The following TOMT variants were observed in gnomAD, a reference collection of about 807,000 sequenced individuals.
The protein encoded by TOMT is transmembrane O-methyltransferase.
TOMT carries 23 observed loss-of-function variants against 21.7 expected under a neutral mutation model. The observed-to-expected ratio is 1.06, with a 90% CI of 0.76 to 1.50. TOMT has a LOEUF of 1.50. Among genes scored for constraint, TOMT ranks in the 40% most tolerant of loss-of-function variants. The pLI is 0.00. For missense variants in TOMT, 331 were observed against 348.7 expected, an observed-to-expected ratio of 0.95 and a Z score of 0.41; for synonymous variants, 132 against 150.8, an observed-to-expected ratio of 0.88 and a Z score of 0.91.
At chr11:72,109,518 C>T, downstream of TOMT, 2 of 396,500 alleles carry the variant, frequency 5.0e-6, no homozygotes, top group South Asian at 4.1e-5. Flanking sequence ...TGAGTGCCCT[C>T]TTCCTAAAGC....
exon 3 of TOMT, chr11:72,108,680 C>T (rs1271566733): frequency 6.5e-7 from 1 of 1,541,200 alleles, no homozygotes; most frequent in Non-Finnish European, 8.8e-7. Flanking sequence ...TCGGGCAGAC[C>T]TGGTGCTCCT....
exon 3 of TOMT, chr11:72,109,098 A>G: frequency 3.3e-6 from 2 of 613,266 alleles, no homozygotes; most frequent in Non-Finnish European, 5.6e-6. Context: ...TCAAGTGTCA[A>G]GTTCTATCAG....
chr11:72,108,077 G>C, exon 2 of TOMT: 1 of 1,539,130 alleles, frequency 6.5e-7, no homozygotes, highest in Non-Finnish European at 8.8e-7. Context: ...CGGCAGCAGT[G>C]GCTGAAAAAC....
chr11:72,107,973 G>A (rs1945866231), exon 2 of TOMT: 1 of 1,551,726 alleles, frequency 6.4e-7, no homozygotes, highest in South Asian at 1.2e-5. Context: ...TTGTGTGCTG[G>A]AATTGGGAAC....
At chr11:72,108,611 C>G in exon 3 of TOMT, 1 of 1,462,816 alleles carries the variant, frequency 6.8e-7, no homozygotes, top group Non-Finnish European at 9.1e-7. Flanking sequence ...ACAGGTGGAG[C>G]TCATCGTGGG....
intron 1 of TOMT, chr11:72,107,384 G>T (rs752369734): frequency 1.1e-4 from 77 of 686,838 alleles, no homozygotes; most frequent in Admixed American, 1.8e-4. Flanking sequence ...TGAAAGATAG[G>T]GTGGTTGTTT....
At chr11:72,106,245 C>A (rs12576752) in intron 1 of TOMT, 35 bp downstream of exon 1, 4 of 1,420,068 alleles carry the variant, frequency 2.8e-6, no homozygotes, top group Non-Finnish European at 3.7e-6. Context: ...CCAAGAAGTA[C>A]CCCCAAGACA....
exon 3 of TOMT, chr11:72,109,305 G>A (rs555713032): frequency 2.3e-4 from 109 of 470,706 alleles, no homozygotes; most frequent in South Asian, 1.2e-3. Flanking sequence ...CCCAGTTCTC[G>A]GCCTCAGAAA....
At chr11:72,109,415 A>G, downstream of TOMT, 1 of 455,722 alleles carries the variant, frequency 2.2e-6, no homozygotes, top group South Asian at 1.6e-5. Flanking sequence ...TGGGCCAGAG[A>G]AAATGGCACA....
exon 3 of TOMT, chr11:72,108,651 G>A (rs1213122608): frequency 5.3e-6 from 8 of 1,512,126 alleles, no homozygotes; most frequent in African/African-American, 2.8e-5. Context: ...CCGTGCCTAC[G>A]CACCCAGTAT....
exon 2 of TOMT, chr11:72,108,088 T>A: frequency 6.5e-7 from 1 of 1,533,304 alleles, no homozygotes; most frequent in Non-Finnish European, 8.8e-7. Flanking sequence ...GCTGAAAAAC[T>A]CATCCGCCTG....
intron 1 of TOMT, chr11:72,107,211 G>A (rs1293760386): frequency 3.7e-6 from 2 of 546,680 alleles, no homozygotes; most frequent in Non-Finnish European, 6.5e-6. Flanking sequence ...AGGCTGCAGT[G>A]AGCCGTGATC....
Position 72,108,259 on chromosome 11 carries a change from T to A in TOMT, c.456+140T>A, listed in dbSNP as rs1236702009. ...TGATGCTGGATGGTGTGTGAGCTCC[T>A]GCCCTCCTGTCCCAAGTCATCTGCA... On this transcript the variant is annotated intron_variant, in intron 2 of 2. Transcript: ENST00000541899. 4.2e-6 allele frequency: 3 copies of A among 721,274 alleles called. No individual in the cohort carries two copies. The African/African-American group carries it at 5.3e-5, about 13-fold the overall frequency. The allele number at this position is 721,274 out of a possible 1,614,324, so 44.7% of individuals were successfully genotyped here.
chr11:72,106,474 G>A, intron 1 of TOMT: 1 of 371,246 alleles, frequency 2.7e-6, no homozygotes, highest in Non-Finnish European at 4.9e-6. Flanking sequence ...ACAAATGCTG[G>A]CCTCAAAGGA....
At chr11:72,107,139 T>A (rs1440649256) in intron 1 of TOMT, 6 of 394,948 alleles carry the variant, frequency 1.5e-5, no homozygotes, top group Non-Finnish European at 2.7e-5. Flanking sequence ...TGGTGGTGAG[T>A]AACTGTGGTT....
At chr11:72,105,969 A>T in exon 1 of TOMT, 1 of 1,549,884 alleles carries the variant, frequency 6.5e-7, no homozygotes, top group Non-Finnish European at 8.7e-7. Context: ...CTGCCATTGC[A>T]TTGGCCTTCC....
chr11:72,108,844 C>T, exon 3 of TOMT: 1 of 1,550,666 alleles, frequency 6.4e-7, no homozygotes, highest in Non-Finnish European at 8.7e-7. Flanking sequence ...GCTACCGCTG[C>T]CGCCTCCACC....
chr11:72,107,359 G>T, intron 1 of TOMT: 2 of 656,076 alleles, frequency 3.0e-6, no homozygotes, highest in East Asian at 2.7e-5. Flanking sequence ...TTCTAACAGA[G>T]ACCTTTCATA....
At chr11:72,107,676 AG>A in intron 1 of TOMT, 1 of 616,970 alleles carries the variant, frequency 1.6e-6, no homozygotes, top group Non-Finnish European at 2.9e-6. Context: ...TCAATCCCAA[AG>A]GCCTTCAGCT....
Sources: gnomAD v4.1 joint callset for allele counts on GRCh38, gnomAD v4.1.1 for gene constraint, MANE v1.5 for transcripts, NCBI Gene and HGNC (gene_info 2026-07-23, HGNC 2026-07-21) for gene names.